ENPP2: variants seen among roughly 807,000 people sequenced by gnomAD.
ENPP2 encodes ectonucleotide pyrophosphatase/phosphodiesterase 2.
A neutral mutation model predicts 120.2 loss-of-function variants in ENPP2; 51 were observed. The ratio of observed to expected loss-of-function variants is 0.42; its 90% CI spans 0.34 to 0.54. ENPP2 has a LOEUF of 0.54. Among genes scored for constraint, ENPP2 ranks in the 20% least tolerant of loss-of-function variants. The pLI, the probability that ENPP2 is intolerant of heterozygous loss-of-function variation, is 0.04. For missense variants in ENPP2, 920 were observed against 1,066.5 expected (o/e 0.86, Z 1.91); for synonymous variants, 365 against 366.4 (o/e 1.00, Z 0.04).
chr8:119,583,557 A>G (rs1812896010), intron 17 of ENPP2, among the ~76,000 whole-genome samples, 160 bp downstream of exon 17: 3 of 152,238 alleles, frequency 2.0e-5, no homozygotes, highest in African/African-American at 4.8e-5. Context: ...AGAAGGGGAT[A>G]ATATTCTGTC....
chr8:119,604,646 TAA>T (rs1372927500), intron 9 of ENPP2, among the ~76,000 whole-genome samples: 9 of 152,134 alleles, frequency 5.9e-5, no homozygotes, highest in Non-Finnish European at 1.3e-4. Flanking sequence ...CAAATTATCT[TAA>T]GTCATATATA....
In ENPP2 at chr8:119,582,533, T is replaced by C; in HGVS notation, c.1613A>G (p.Asn538Ser). 6.2e-7 allele frequency: 1 copy of C among 1,613,744 alleles called. No homozygotes were observed. The change falls in exon 18 of 25, where the codon AAT becomes AGT. Residue 538 changes from asparagine to serine, a missense_variant. Physicochemically the swap from Asn to Ser is conservative, Grantham distance 46. Transcript: ENST00000075322. The stretch of plus-strand genomic sequence containing the variant: ...CTCTGGCATGGTTGGCCTGAAGGTA[T>C]TAGTGCGCAGGAGATGATTCAAACT... ...HGSLNHLLRT[N>S]TFRPTMPEEV...
intron 1 of ENPP2, among the ~76,000 whole-genome samples, chr8:119,659,745 A>G (rs969187778): frequency 6.6e-6 from 1 of 152,168 alleles, no homozygotes; most frequent in South Asian, 2.1e-4. Context: ...TGGTGAAAAA[A>G]CTGATTGCTT....
chr8:119,649,397 ATC>A, intron 1 of ENPP2, among the ~76,000 whole-genome samples: 1 of 149,576 alleles, frequency 6.7e-6, no homozygotes, highest in African/African-American at 2.5e-5. Context: ...GCAAGACTCC[ATC>A]TCAAAAAAAA....
intron 2 of ENPP2, among the ~76,000 whole-genome samples, chr8:119,628,523 A>C (rs1563751905): frequency 6.6e-6 from 1 of 152,200 alleles, no homozygotes; most frequent in Non-Finnish European, 1.5e-5. Flanking sequence ...CCGTCAAGAA[A>C]GAAAGAATCG....
chr8:119,623,275 C>T lies in ENPP2; in HGVS notation c.293-1756G>A, dbSNP rs191640996. ...GGTCAGGAGTTCGAGACCAGCCTGG[C>T]CAACATGGTGAAACCCCGTCTCTAC... is the stretch of plus-strand genomic sequence containing the variant. On this transcript the variant is annotated intron_variant, in intron 3 of 24. Transcript: ENST00000075322. Among the ~76,000 whole-genome samples, 883 of 152,060 alleles carry T rather than the reference C, an allele frequency of 5.8e-3. 2 individuals carry two copies. Among genetic ancestry groups the T allele is most frequent in the Admixed American group, 9.7e-3 (149 of 15,288 alleles).
chr8:119,668,656 T>G (rs1048245154), intron 1 of ENPP2, among the ~76,000 whole-genome samples: 4 of 152,088 alleles, frequency 2.6e-5, no homozygotes, highest in African/African-American at 9.7e-5. Context: ...CTCCATCTCT[T>G]GACCTTGTGA....
intron 22 of ENPP2, among the ~76,000 whole-genome samples, chr8:119,566,403 AT>A (rs1587331705): frequency 6.6e-6 from 1 of 152,200 alleles, no homozygotes; most frequent in African/African-American, 2.4e-5. Flanking sequence ...CATGCTTCTC[AT>A]ACTGCTTCAA....
At chr8:119,670,991 G>A (rs575325330) in intron 1 of ENPP2, among the ~76,000 whole-genome samples, 3 of 151,660 alleles carry the variant, frequency 2.0e-5, no homozygotes, top group East Asian at 3.9e-4. Context: ...ATTTTAGAAA[G>A]ATCATTTGAC....
intron 8 of ENPP2, among the ~76,000 whole-genome samples, chr8:119,612,257 G>GA (rs1161941182): frequency 6.6e-6 from 1 of 151,946 alleles, no homozygotes; most frequent in East Asian, 1.9e-4. Flanking sequence ...AGTACAAAGA[G>GA]AAAAAACTGC....
At chr8:119,671,226 G>A (rs541670848) in intron 1 of ENPP2, among the ~76,000 whole-genome samples, 7 of 151,962 alleles carry the variant, frequency 4.6e-5, no homozygotes, top group South Asian at 2.1e-4. Context: ...GCTTGAACCC[G>A]GGAGGTGGAA....
At chr8:119,603,019 GA>G (rs1188401628) in intron 9 of ENPP2, among the ~76,000 whole-genome samples, 1 of 152,088 alleles carries the variant, frequency 6.6e-6, no homozygotes, top group East Asian at 1.9e-4. Context: ...CACAAGACCA[GA>G]AAATCATGTG....
At chr8:119,616,451 T>C in intron 7 of ENPP2, 67 bp from the exon 8 acceptor site, 3 of 1,247,816 alleles carry the variant, frequency 2.4e-6, no homozygotes, top group South Asian at 1.4e-5. Context: ...AGTTCTAGTA[T>C]GAATTTTCTT....
intron 9 of ENPP2, among the ~76,000 whole-genome samples, chr8:119,605,634 A>C (rs1460352887): frequency 7.0e-6 from 1 of 143,760 alleles, no homozygotes; most frequent in Non-Finnish European, 1.5e-5. Context: ...CTAATTTTGT[A>C]TTTTTTTTTT....
chr8:119,661,415 C>A (rs1280484648), intron 1 of ENPP2, among the ~76,000 whole-genome samples: 1 of 152,152 alleles, frequency 6.6e-6, no homozygotes, highest in Non-Finnish European at 1.5e-5. Flanking sequence ...GAAAGCTGCT[C>A]AACATCACTA....
chr8:119,611,415 G>T (rs1815099467), intron 8 of ENPP2, among the ~76,000 whole-genome samples: 1 of 152,138 alleles, frequency 6.6e-6, no homozygotes, highest in Non-Finnish European at 1.5e-5. Context: ...GGGTGTGGGG[G>T]TTGGGGGAGG....
At chr8:119,598,860 C>G (rs1354457896) in intron 11 of ENPP2, among the ~76,000 whole-genome samples, 1 of 152,286 alleles carries the variant, frequency 6.6e-6, no homozygotes, top group Middle Eastern at 3.4e-3. Flanking sequence ...AGGTTCTCCC[C>G]TTAGCAGCCA....
intron 8 of ENPP2, among the ~76,000 whole-genome samples, chr8:119,610,990 G>T (rs1010993299): frequency 1.3e-5 from 2 of 151,842 alleles, no homozygotes; most frequent in African/African-American, 4.8e-5. Flanking sequence ...AAAACTCCCT[G>T]CATTGCTTTC....
chr8:119,601,708 T>G (rs944679069), intron 9 of ENPP2, among the ~76,000 whole-genome samples: 1 of 152,152 alleles, frequency 6.6e-6, no homozygotes, highest in Admixed American at 6.5e-5. Flanking sequence ...ACAGTCAGAA[T>G]GAGGAACCTG....
Sources: gnomAD v4.1 joint callset for allele counts (sites outside exome capture counted in the v4.1 genomes callset) on GRCh38, gnomAD v4.1.1 for gene constraint, MANE v1.5 for transcripts, NCBI Gene and HGNC (gene_info 2026-07-23, HGNC 2026-07-21) for gene names.